Variants in ADAM18 observed in about 807,000 individuals in gnomAD.
ADAM18 encodes the protein disintegrin and metalloproteinase domain-containing protein 18.
In ADAM18, 117 loss-of-function variants were observed where a neutral mutation model predicts 94.4. The observed-to-expected ratio is 1.24, with a 90% CI of 1.07 to 1.45. ADAM18 has a LOEUF of 1.45. ADAM18 is among the 40% of genes most tolerant of loss of function. The pLI, the probability that ADAM18 is intolerant of heterozygous loss-of-function variation, is 0.00. For synonymous variants in ADAM18, 327 were observed against 291.6 expected (o/e 1.12, Z -1.24); for missense variants, 936 against 880.0 (o/e 1.06, Z -0.81).
chr8:39,665,095 T>A (rs1820960540), intron 13 of ADAM18, among the ~76,000 whole-genome samples: 1 of 152,178 alleles, frequency 6.6e-6, no homozygotes, highest in Admixed American at 6.5e-5. Flanking sequence ...TTATACTCAG[T>A]CCATGACTCC....
At chr8:39,651,277 C>A (rs201959211) in intron 12 of ADAM18, among the ~76,000 whole-genome samples, 1 of 151,942 alleles carries the variant, frequency 6.6e-6, no homozygotes, top group Non-Finnish European at 1.5e-5. Flanking sequence ...GAGACAGATG[C>A]CTTTCTCTTA....
At chr8:39,639,840 T>A (rs1820185934) in intron 10 of ADAM18, among the ~76,000 whole-genome samples, 1 of 152,080 alleles carries the variant, frequency 6.6e-6, no homozygotes, top group African/African-American at 2.4e-5. Flanking sequence ...TTTACCAATC[T>A]ATATTACACT....
chr8:39,673,776 C>T (rs1821222232), intron 14 of ADAM18, among the ~76,000 whole-genome samples: 1 of 152,168 alleles, frequency 6.6e-6, no homozygotes, highest in Non-Finnish European at 1.5e-5. Context: ...ATAAATTTCC[C>T]TCTACACACT....
chr8:39,693,948 G>A (rs967723248), intron 17 of ADAM18, among the ~76,000 whole-genome samples: 1 of 151,060 alleles, frequency 6.6e-6, no homozygotes, highest in African/African-American at 2.4e-5. Context: ...TAGCATGTAG[G>A]TGTTCTGAAA....
At chr8:39,699,513 A>G (rs1822007955) in intron 17 of ADAM18, among the ~76,000 whole-genome samples, 1 of 152,166 alleles carries the variant, frequency 6.6e-6, no homozygotes, top group Non-Finnish European at 1.5e-5. Flanking sequence ...TTTAATACAC[A>G]AGTGAGATGT....
chr8:39,648,057 T>C (rs531811140), intron 11 of ADAM18, among the ~76,000 whole-genome samples: 4 of 152,218 alleles, frequency 2.6e-5, no homozygotes, highest in South Asian at 4.1e-4. Context: ...GAACAATAGA[T>C]AGATGGTTAG....
intron 18 of ADAM18, among the ~76,000 whole-genome samples, chr8:39,713,045 C>A (rs1315955794): frequency 6.6e-6 from 1 of 152,168 alleles, no homozygotes; most frequent in Non-Finnish European, 1.5e-5. Context: ...AACCATACTA[C>A]AAGGTTACAG....
intron 10 of ADAM18, among the ~76,000 whole-genome samples, chr8:39,638,890 C>A (rs1019997069): frequency 1.1e-3 from 161 of 151,866 alleles, no homozygotes; most frequent in African/African-American, 3.7e-3. Flanking sequence ...TAGCAAAAAT[C>A]ATGAATTTGT....
chr8:39,610,490 A>G (rs751113624), intron 5 of ADAM18, 39 bp from the exon 6 acceptor site: 1 of 1,548,292 alleles, frequency 6.5e-7, no homozygotes, highest in Admixed American at 1.9e-5. Context: ...CATTTGTGAG[A>G]TTTTTATAAC....
intron 6 of ADAM18, among the ~76,000 whole-genome samples, chr8:39,613,103 A>G (rs1819326736): frequency 6.6e-6 from 1 of 152,218 alleles, no homozygotes; most frequent in East Asian, 1.9e-4. Context: ...ACATGCCGCT[A>G]CCACCACAGG....
chr8:39,633,469 G>GA (rs1277757626), intron 7 of ADAM18, among the ~76,000 whole-genome samples: 4 of 152,078 alleles, frequency 2.6e-5, no homozygotes, highest in Non-Finnish European at 4.4e-5. Context: ...TTACTTAAGT[G>GA]GTCATGAACA....
At position 39,650,813 on chromosome 8, in the gene ADAM18, TC is replaced by T. The variant is rs562681924; in HGVS notation, c.1230+2288del. Among the ~76,000 whole-genome samples, 29 of 152,252 alleles carry T rather than the reference TC, an allele frequency of 1.9e-4. No individual in the cohort carries two copies. In the East Asian group the frequency reaches 5.6e-3, roughly 29 times the overall value. On this transcript the variant is annotated intron_variant, in intron 12 of 19. Coordinates refer to ENST00000265707, the MANE Select transcript of ADAM18 (RefSeq NM_014237.3). ...CAATTTTGAAGGGGTGGCCTCCCCC[TC>T]CACACCTGTGGGCGTTTCTTGTCAG...
rs968200657 is a variant in ADAM18, at chr8:39,638,509, C to A, written c.872C>A (p.Thr291Asn). ...PKYVGATFPG[T>N]VCNKSYDAGI... ...TATGTGGGAGCAACATTTCCTGGCA[C>A]TGTATGCAATAAAAGCTATGATGCA... Residue 291 changes from threonine (T) to asparagine (N), a missense_variant, in exon 10 of 20, where the codon ACT becomes AAT. By Grantham distance (65) the Thr-to-Asn change is moderately conservative (BLOSUM62 0). Coordinates refer to ENST00000265707, the MANE Select transcript of ADAM18 (RefSeq NM_014237.3). 1 of 1,571,506 alleles carries A rather than the reference C, an allele frequency of 6.4e-7. No individual in the cohort carries two copies. Among genetic ancestry groups the A allele is most frequent in the East Asian group, 2.3e-5 (1 of 43,578 alleles).
intron 19 of ADAM18, among the ~76,000 whole-genome samples, chr8:39,728,267 CA>C (rs972310278): frequency 1.3e-5 from 2 of 152,060 alleles, no homozygotes; most frequent in Non-Finnish European, 2.9e-5. Flanking sequence ...AATATATTCA[CA>C]TTTTTTTTTA....
intron 16 of ADAM18, among the ~76,000 whole-genome samples, chr8:39,689,096 C>G (rs1821695088): frequency 6.6e-6 from 1 of 151,616 alleles, no homozygotes; most frequent in African/African-American, 2.4e-5. Context: ...TTTATAGATG[C>G]TGGGTATTAT....
chr8:39,644,442 C>G (rs1479014322), intron 10 of ADAM18, among the ~76,000 whole-genome samples: 3 of 152,080 alleles, frequency 2.0e-5, no homozygotes, highest in African/African-American at 7.2e-5. Flanking sequence ...TGTGCATCAT[C>G]TTGCTGGCTA....
Position 39,609,524 on chromosome 8 carries a change from A to G in ADAM18, c.307A>G (p.Asn103Asp), listed in dbSNP as rs138217509. The change falls in exon 5 of 20, where the codon AAT becomes GAT. Residue 103 changes from asparagine (N) to aspartate (D), a missense_variant. By Grantham distance (23) the Asn-to-Asp change is conservative. Coordinates refer to ENST00000265707, the MANE Select transcript of ADAM18 (RefSeq NM_014237.3). The part of the protein sequence containing the change: ...HYQGYAAEFP[N>D]SFVTLSICSG... ...CCAAGGATATGCTGCCGAATTTCCAAATTCATTTGTGACACTCAGTATATG... is the reference window on the plus strand; with the variant it reads ...CCAAGGATATGCTGCCGAATTTCCAGATTCATTTGTGACACTCAGTATATG... 3.1e-6 allele frequency: 5 copies of G among 1,611,494 alleles called. No individual in the cohort carries two copies. The highest frequency in any genetic ancestry group is 2.7e-5 in the African/African-American group (2 of 75,032).
At chr8:39,720,508 A>G (rs1822716718) in intron 18 of ADAM18, among the ~76,000 whole-genome samples, 1 of 151,552 alleles carries the variant, frequency 6.6e-6, no homozygotes, top group South Asian at 2.1e-4. Context: ...TAATTTATAA[A>G]AGAATTTACA....
At chr8:39,673,253 G>C (rs1436147160) in intron 14 of ADAM18, among the ~76,000 whole-genome samples, 1 of 152,096 alleles carries the variant, frequency 6.6e-6, no homozygotes, top group African/African-American at 2.4e-5. Flanking sequence ...GTCCATGCTA[G>C]AGCAGATTAG....
Sources: allele counts gnomAD v4.1 joint callset (sites outside exome capture counted in the v4.1 genomes callset), GRCh38; gene constraint gnomAD v4.1.1; transcripts MANE v1.5; gene names NCBI Gene and HGNC (gene_info 2026-07-23, HGNC 2026-07-21).